LNX1: variants seen among roughly 807,000 people sequenced by gnomAD.
LNX1 encodes ligand of numb-protein X 1.
Under a neutral mutation model 68.4 loss-of-function variants are expected in LNX1, and 54 were observed. The observed-to-expected ratio is 0.79, with a 90% CI of 0.63 to 0.99. The LOEUF (loss-of-function observed/expected upper bound fraction) is 0.99. LNX1 is among the 50% of genes least tolerant of loss of function. LNX1 has a pLI of 0.00. For synonymous variants in LNX1, 336 were observed against 350.0 expected, an observed-to-expected ratio of 0.96 and a Z score of 0.45; for missense variants, 906 against 926.4, an observed-to-expected ratio of 0.98 and a Z score of 0.29.
chr4:53,630,534 C>A (rs1035200438), intron 1 of LNX1, among the ~76,000 whole-genome samples: 1 of 152,074 alleles, frequency 6.6e-6, no homozygotes, highest in African/African-American at 2.4e-5. Context: ...TTTAAAATGG[C>A]CCCAAGCATG....
At chr4:53,517,154 A>AGATT (rs1191806407) in intron 2 of LNX1, among the ~76,000 whole-genome samples, 5 of 152,128 alleles carry the variant, frequency 3.3e-5, no homozygotes, top group Non-Finnish European at 7.3e-5. Context: ...GGAGCCTGAG[A>AGATT]GATTCTAAAA....
intron 2 of LNX1, among the ~76,000 whole-genome samples, chr4:53,609,941 C>A (rs1191718011): frequency 6.6e-6 from 1 of 151,232 alleles, no homozygotes; most frequent in East Asian, 1.9e-4. Context: ...ATGCTCACAA[C>A]CATGTGAGTT....
At chr4:53,557,777 A>C (rs1432777353) in intron 2 of LNX1, 205 of 1,251,366 alleles carry the variant, frequency 1.6e-4, no homozygotes, top group Non-Finnish European at 2.1e-4. Context: ...TATGTGTGGA[A>C]TTTAAAATGG....
rs1723495920 is a variant in LNX1, at chr4:53,475,384, T to G, written c.1892+1369A>C. Among the ~76,000 whole-genome samples, 3 of 152,344 alleles carry G rather than the reference T, an allele frequency of 2.0e-5. No individual in the cohort carries two copies. In the South Asian group the frequency reaches 6.2e-4, roughly 32 times the overall value. ...TTTAAACTGACTCAACGCTCAGATT[T>G]TAACTGTTTAAGGACTTTTGAAAAT... On this transcript the variant is annotated intron_variant, in intron 9 of 10. Coordinates refer to ENST00000263925, the MANE Select transcript of LNX1 (RefSeq NM_001126328.3).
At chr4:53,463,141 A>T (rs1722314897) in intron 9 of LNX1, among the ~76,000 whole-genome samples, 1 of 152,156 alleles carries the variant, frequency 6.6e-6, no homozygotes, top group African/African-American at 2.4e-5. Context: ...ATTTTATTTC[A>T]TATGGAGAAG....
At chr4:53,580,602 T>C (rs2109796450) in intron 1 of LNX1, among the ~76,000 whole-genome samples, 1 of 152,196 alleles carries the variant, frequency 6.6e-6, no homozygotes, top group Admixed American at 6.5e-5. Context: ...GTGGAGGAGG[T>C]ATATATCTTA....
At chr4:53,540,109 T>C (rs1468173698) in intron 2 of LNX1, among the ~76,000 whole-genome samples, 2 of 152,144 alleles carry the variant, frequency 1.3e-5, no homozygotes, top group African/African-American at 2.4e-5. Flanking sequence ...AATGACAACA[T>C]GGTGGCTCAC....
At chr4:53,602,983 AGT>A (rs1286001747) in intron 2 of LNX1, 1 of 152,262 alleles carries the variant, frequency 6.6e-6, no homozygotes, top group African/African-American at 2.4e-5. Context: ...GTACAGAGAC[AGT>A]GAGTTTCATG....
At chr4:53,609,844 A>T (rs2109846543) in intron 2 of LNX1, among the ~76,000 whole-genome samples, 1 of 147,722 alleles carries the variant, frequency 6.8e-6, no homozygotes, top group East Asian at 2.0e-4. Context: ...TGCTATATAA[A>T]TAAATCATGT....
intron 1 of LNX1, 87 bp from the exon 2 acceptor site, chr4:53,574,175 C>T: frequency 2.0e-6 from 2 of 1,009,932 alleles, no homozygotes; most frequent in Non-Finnish European, 2.8e-6. Flanking sequence ...GCTGCCAATG[C>T]ATGGGGAATT....
chr4:53,465,526 G>A lies in LNX1; in HGVS notation c.1893-3933C>T, dbSNP rs535518831. Among the ~76,000 whole-genome samples the A allele has an allele frequency of 3.9e-5, 6 of 152,250 alleles. No homozygotes were observed. In the South Asian group the frequency reaches 1.2e-3, roughly 32 times the overall value. On this transcript the variant is annotated intron_variant, in intron 9 of 10. Transcript: ENST00000263925. Reference sequence around the variant, plus strand: ...TCTCCAGCAGCTGCTTTAATCTGGGGAGCCAGTACTCCAGAAAGTTTTACA... The same window carrying A: ...TCTCCAGCAGCTGCTTTAATCTGGGAAGCCAGTACTCCAGAAAGTTTTACA...
chr4:53,476,296 T>A (rs572330993), intron 9 of LNX1, among the ~76,000 whole-genome samples: 2 of 152,084 alleles, frequency 1.3e-5, no homozygotes, highest in East Asian at 3.9e-4. Context: ...AGACTCTATA[T>A]AAAAATAAAA....
At chr4:53,515,149 T>C (rs1560639224) in intron 2 of LNX1, among the ~76,000 whole-genome samples, 1 of 152,154 alleles carries the variant, frequency 6.6e-6, no homozygotes, top group Admixed American at 6.5e-5. Context: ...AGGAGCTCTC[T>C]CTCCAGGACT....
chr4:53,480,889 A>AT (rs1214224618), intron 7 of LNX1, among the ~76,000 whole-genome samples: 3 of 152,090 alleles, frequency 2.0e-5, no homozygotes, highest in Non-Finnish European at 4.4e-5. Flanking sequence ...ACCTTTAAGA[A>AT]TTTTTTTTAG....
intron 2 of LNX1, among the ~76,000 whole-genome samples, chr4:53,554,286 G>A (rs1258106538): frequency 6.6e-6 from 1 of 152,174 alleles, no homozygotes; most frequent in East Asian, 1.9e-4. Flanking sequence ...TGCCAGTTCT[G>A]GGTCTGCTCT....
intron 6 of LNX1, among the ~76,000 whole-genome samples, chr4:53,493,909 C>T (rs1724872599): frequency 6.6e-6 from 1 of 152,180 alleles, no homozygotes; most frequent in Admixed American, 6.5e-5. Context: ...TAAACCCTTC[C>T]AAGAATGCCC....
chr4:53,586,677 T>A (rs1732191663), intron 1 of LNX1, among the ~76,000 whole-genome samples: 1 of 152,190 alleles, frequency 6.6e-6, no homozygotes, highest in Non-Finnish European at 1.5e-5. Flanking sequence ...AGAGAGAAGT[T>A]CTTTCAGATG....
At chr4:53,629,111 C>T (rs1221905145) in intron 1 of LNX1, among the ~76,000 whole-genome samples, 3 of 152,142 alleles carry the variant, frequency 2.0e-5, no homozygotes, top group Non-Finnish European at 4.4e-5. Context: ...ACCACTTGTA[C>T]CCCCAAAGCT....
chr4:53,575,127 G>A (rs7687977), intron 1 of LNX1, among the ~76,000 whole-genome samples: 4,283 of 152,094 alleles, frequency 0.028, 198 homozygotes, highest in African/African-American at 0.098. Context: ...GATTACAGGC[G>A]CGCGCCACCA....
Sources: allele counts gnomAD v4.1 joint callset (sites outside exome capture counted in the v4.1 genomes callset), GRCh38; gene constraint gnomAD v4.1.1; transcripts MANE v1.5; gene names NCBI Gene and HGNC (gene_info 2026-07-23, HGNC 2026-07-21).